AFF3: variants seen among roughly 807,000 people sequenced by gnomAD.
AFF3 encodes AF4/FMR2 family member 3.
In AFF3, 32 loss-of-function variants were observed where a neutral mutation model predicts 129.7. That is an observed-to-expected ratio of 0.25 (90% CI 0.19 to 0.33). The LOEUF is 0.33. Among genes scored for constraint, AFF3 ranks in the 10% least tolerant of loss-of-function variants. The pLI is 1.00. For missense variants in AFF3, 1,373 were observed against 1,592.0 expected, an observed-to-expected ratio of 0.86 and a Z score of 2.34; for synonymous variants, 644 against 635.4, an observed-to-expected ratio of 1.01 and a Z score of -0.20.
chr2:100,019,591 T>C (rs1456528913), intron 4 of AFF3, among the ~76,000 whole-genome samples: 1 of 152,126 alleles, frequency 6.6e-6, no homozygotes. Flanking sequence ...GTACAGGCAG[T>C]TTGTCAGCTT....
At chr2:99,786,825 G>A (rs1213239896) in intron 8 of AFF3, among the ~76,000 whole-genome samples, 2 of 152,162 alleles carry the variant, frequency 1.3e-5, no homozygotes, top group Non-Finnish European at 2.9e-5. Flanking sequence ...TGCAATGGCT[G>A]AATTCCCACC....
intron 2 of AFF3, among the ~76,000 whole-genome samples, chr2:100,122,915 C>G (rs935002675): frequency 1.3e-5 from 2 of 152,138 alleles, no homozygotes; most frequent in African/African-American, 4.8e-5. Context: ...ACATCTATTA[C>G]CACCTCCCAG....
intron 4 of AFF3, among the ~76,000 whole-genome samples, chr2:100,038,537 T>G (rs1685163468): frequency 1.3e-5 from 2 of 152,080 alleles, no homozygotes; most frequent in Middle Eastern, 3.4e-3. Context: ...CAGGAGAGGG[T>G]GGGTAAAAGA....
intron 9 of AFF3, among the ~76,000 whole-genome samples, chr2:99,747,944 T>G (rs1290821723): frequency 6.6e-6 from 1 of 152,148 alleles, no homozygotes; most frequent in Non-Finnish European, 1.5e-5. Context: ...TTACCGGCAT[T>G]TGGCCAGCCT....
chr2:99,833,194 C>T lies in AFF3; in HGVS notation c.921+4283G>A, dbSNP rs117016530. Among the ~76,000 whole-genome samples, 31 of 152,264 alleles carry T rather than the reference C, an allele frequency of 2.0e-4. 1 individual carries two copies. In the East Asian group the frequency reaches 4.1e-3, roughly 20 times the overall value. On this transcript the variant is annotated intron_variant, in intron 8 of 24. Coordinates refer to ENST00000672756, the MANE Select transcript of AFF3 (RefSeq NM_001386135.1). ...TGATGTGCATTTCCCAAGTCAGTGCCCTCAACTCACAAATCTCCCAGGACC... is the reference window on the plus strand; with the variant it reads ...TGATGTGCATTTCCCAAGTCAGTGCTCTCAACTCACAAATCTCCCAGGACC...
At chr2:99,639,765 G>A (rs2105480345) in intron 13 of AFF3, among the ~76,000 whole-genome samples, 1 of 150,344 alleles carries the variant, frequency 6.7e-6, no homozygotes, top group South Asian at 2.1e-4. Context: ...TCGGCTCACT[G>A]CAACCTCTGT....
At chr2:99,996,929 A>C (rs1326474439) in intron 7 of AFF3, among the ~76,000 whole-genome samples, 1 of 151,998 alleles carries the variant, frequency 6.6e-6, no homozygotes, top group Non-Finnish European at 1.5e-5. Context: ...TCCCTTCTTG[A>C]GATCCCCTTT....
intron 8 of AFF3, among the ~76,000 whole-genome samples, chr2:99,767,187 C>A (rs1027152255): frequency 6.6e-6 from 1 of 152,216 alleles, no homozygotes; most frequent in Non-Finnish European, 1.5e-5. Context: ...CAGAATACAA[C>A]AGACATGGCC....
intron 10 of AFF3, among the ~76,000 whole-genome samples, chr2:99,730,706 G>C (rs1482285656): frequency 6.6e-6 from 1 of 151,764 alleles, no homozygotes; most frequent in African/African-American, 2.4e-5. Flanking sequence ...GTAGAGACGA[G>C]GTTTCACCAT....
intron 11 of AFF3, among the ~76,000 whole-genome samples, chr2:99,673,884 C>A (rs1035439132): frequency 6.6e-6 from 1 of 152,162 alleles, no homozygotes; most frequent in African/African-American, 2.4e-5. Context: ...AGTCGCTTCA[C>A]GCACCCTGAC....
chr2:100,054,968 A>T (rs1455701596), intron 4 of AFF3, among the ~76,000 whole-genome samples: 3 of 152,224 alleles, frequency 2.0e-5, no homozygotes, highest in Non-Finnish European at 4.4e-5. Context: ...TGACCTGAGC[A>T]GATACAGTAG....
chr2:99,745,716 T>A (rs554421791), intron 9 of AFF3, among the ~76,000 whole-genome samples: 4 of 152,332 alleles, frequency 2.6e-5, no homozygotes, highest in African/African-American at 9.6e-5. Context: ...TATCTACTTA[T>A]CTGCAATGGA....
chr2:99,955,124 A>G (rs1033364969), intron 7 of AFF3, among the ~76,000 whole-genome samples: 5 of 152,284 alleles, frequency 3.3e-5, no homozygotes, highest in African/African-American at 1.2e-4. Context: ...TAATTGTATA[A>G]CATACAAAAC....
intron 8 of AFF3, among the ~76,000 whole-genome samples, chr2:99,756,200 C>T (rs1682085029): frequency 6.6e-6 from 1 of 152,226 alleles, no homozygotes. Flanking sequence ...TCCTGCCCTC[C>T]CTACCTTCAT....
chr2:100,108,858 G>A (rs1204014997), intron 2 of AFF3, among the ~76,000 whole-genome samples: 1 of 146,238 alleles, frequency 6.8e-6, no homozygotes, highest in Non-Finnish European at 1.5e-5. Context: ...ATGCTTCACT[G>A]ACATTCTACA....
rs538869068 is a variant in AFF3, at chr2:99,828,079, A to G, written c.921+9398T>C. The stretch of plus-strand genomic sequence containing the variant: ...AAAATTGGTTCTTGGGGATGAGAAA[A>G]CCTTACTCTGTGTATAAAGCACAGA... On this transcript the variant is annotated intron_variant, in intron 8 of 24. Coordinates refer to ENST00000672756, the MANE Select transcript of AFF3 (RefSeq NM_001386135.1). Among the ~76,000 whole-genome samples the G allele has an allele frequency of 2.3e-4, 35 of 152,084 alleles. 1 individual carries two copies. In the South Asian group the frequency reaches 7.1e-3, roughly 31 times the overall value.
intron 4 of AFF3, chr2:100,011,695 C>T: frequency 1.4e-6 from 1 of 711,294 alleles, no homozygotes; most frequent in Non-Finnish European, 2.6e-6. Flanking sequence ...ATCCAAGATC[C>T]CGGAGGGTCA....
chr2:99,993,718 T>C (rs753843457), intron 7 of AFF3, among the ~76,000 whole-genome samples: 17 of 150,004 alleles, frequency 1.1e-4, no homozygotes, highest in Admixed American at 2.0e-4. Context: ...ACAAAAATGA[T>C]TAAGCATAAG....
intron 13 of AFF3, among the ~76,000 whole-genome samples, chr2:99,644,500 T>C (rs1030172368): frequency 3.3e-5 from 5 of 152,254 alleles, no homozygotes; most frequent in African/African-American, 1.2e-4. Context: ...TATTAATTCC[T>C]GATCTGCTGC....
Sources: allele counts gnomAD v4.1 joint callset (sites outside exome capture counted in the v4.1 genomes callset), GRCh38; gene constraint gnomAD v4.1.1; transcripts MANE v1.5; gene names NCBI Gene and HGNC (gene_info 2026-07-23, HGNC 2026-07-21).